Variants in GPR107 observed in about 807,000 individuals in gnomAD.
The protein encoded by GPR107 is G protein-coupled receptor 107.
GPR107 carries 31 observed loss-of-function variants against 75.5 expected under a neutral mutation model. The observed-to-expected ratio is 0.41, with a 90% confidence interval of 0.31 to 0.55. The LOEUF is 0.55. Ranked by LOEUF, GPR107 falls within the 20% of genes least tolerant of loss-of-function variation. The probability of loss-of-function intolerance (pLI) is 0.26; values close to 1 mark genes in which losing one functional copy is unlikely to be tolerated. For synonymous variants in GPR107, 267 were observed against 251.3 expected (o/e 1.06, Z -0.59); for missense variants, 572 against 665.7 (o/e 0.86, Z 1.55).
In GPR107 at chr9:130,127,495, A is replaced by G. The variant is rs1449016882; in HGVS notation, c.1369A>G (p.Ile457Val). The change falls in exon 16 of 18, where the codon ATA (isoleucine) becomes GTA (valine). Residue 457 changes from isoleucine to valine, a missense_variant. Physicochemically the swap from Ile to Val is conservative, Grantham distance 29. Coordinates refer to ENST00000347136, the MANE Select transcript of GPR107 (RefSeq NM_020960.5). Reference protein sequence around the residue: ...RHYYVLIVCYIYFTRIIAFLL... With the variant: ...RHYYVLIVCYVYFTRIIAFLL... ...CCTCCTCATGCAGATTGTGTGTTAC[A>G]TATACTTCACTAGGATCATTGCATT... is the stretch of plus-strand genomic sequence containing the variant. The G allele has an allele frequency of 1.9e-6, 3 of 1,579,132 alleles. No homozygotes were observed. The highest frequency in any genetic ancestry group is 2.6e-6 in the Non-Finnish European group (3 of 1,148,256).
At chr9:130,095,593 C>T (rs1377290850) in intron 9 of GPR107, among the ~76,000 whole-genome samples, 1 of 152,090 alleles carries the variant, frequency 6.6e-6, no homozygotes, top group Non-Finnish European at 1.5e-5. Context: ...CGGGGTTTCA[C>T]CATGTTGGCT....
chr9:130,137,843 A>G lies in GPR107; in HGVS notation c.*2722A>G, dbSNP rs916039680. 7 of 152,268 alleles carry G rather than the reference A, an allele frequency of 4.6e-5. No individual in the cohort carries two copies. Among genetic ancestry groups the G allele is most frequent in the Admixed American group, 3.3e-4 (5 of 15,290 alleles). 9.4% of individuals were successfully genotyped at this position (152,268 alleles called of 1,614,324 possible). A position where few individuals can be genotyped will look rare whatever the true frequency, so the allele number is the denominator to read the frequency against. On this transcript the variant is annotated 3_prime_UTR_variant, in exon 18 of 18. Coordinates refer to ENST00000347136, the MANE Select transcript of GPR107 (RefSeq NM_020960.5). ...CCCTTGCAGTATTTCAGATCGGGCA[A>G]AAAATATCGGATGCACATAGCAGAA...
chr9:130,126,040 G>A (rs1031765311), intron 15 of GPR107, among the ~76,000 whole-genome samples: 5 of 145,146 alleles, frequency 3.4e-5, no homozygotes, highest in Admixed American at 7.0e-5. Context: ...CTGGGCGACA[G>A]AGCGAGACTC....
At chr9:130,102,627 A>G (rs926846856) in intron 12 of GPR107, among the ~76,000 whole-genome samples, 1 of 152,192 alleles carries the variant, frequency 6.6e-6, no homozygotes, top group African/African-American at 2.4e-5. Flanking sequence ...AGTGACAGAA[A>G]GTTTCTAAGT....
At chr9:130,116,345 C>T (rs1028018065) in intron 14 of GPR107, among the ~76,000 whole-genome samples, 1 of 152,172 alleles carries the variant, frequency 6.6e-6, no homozygotes, top group African/African-American at 2.4e-5. Flanking sequence ...TGTTGAGAAC[C>T]AACTCTTCTC....
chr9:130,105,761 G>C (rs964095660), intron 13 of GPR107, among the ~76,000 whole-genome samples: 1 of 151,884 alleles, frequency 6.6e-6, no homozygotes, highest in South Asian at 2.1e-4. Flanking sequence ...CAGCATAGAA[G>C]AGAGTATGAA....
At chr9:130,079,444 G>C (rs1049108816) in intron 4 of GPR107, among the ~76,000 whole-genome samples, 186 bp from the exon 5 acceptor site, 2 of 152,236 alleles carry the variant, frequency 1.3e-5, no homozygotes, top group African/African-American at 4.8e-5. Flanking sequence ...CTAGCTTGGT[G>C]CCCTTGGGCA....
chr9:130,067,741 C>G (rs1202054752), intron 1 of GPR107, among the ~76,000 whole-genome samples: 1 of 104,730 alleles, frequency 9.5e-6, no homozygotes, highest in Non-Finnish European at 1.7e-5. Flanking sequence ...GTAGTCCCCC[C>G]CCACCGCCCC....
At chr9:130,093,101 A>G (rs989320021) in intron 9 of GPR107, among the ~76,000 whole-genome samples, 2 of 152,194 alleles carry the variant, frequency 1.3e-5, no homozygotes, top group Non-Finnish European at 2.9e-5. Flanking sequence ...ACTGCTTAGA[A>G]CTGAAGGTCT....
chr9:130,121,162 C>G (rs1831536520), intron 14 of GPR107, among the ~76,000 whole-genome samples: 1 of 150,834 alleles, frequency 6.6e-6, no homozygotes, highest in South Asian at 2.1e-4. Flanking sequence ...GCCTGGGAGA[C>G]AGCGAGTGAG....
At chr9:130,117,476 C>G (rs865868722) in intron 14 of GPR107, among the ~76,000 whole-genome samples, 32 of 152,094 alleles carry the variant, frequency 2.1e-4, no homozygotes, top group Non-Finnish European at 7.4e-5. Context: ...CAGGTCAGCC[C>G]GTGGCCTGCG....
At chr9:130,092,092 A>C (rs1417653352) in intron 8 of GPR107, among the ~76,000 whole-genome samples, 156 bp from the exon 9 acceptor site, 6 of 152,034 alleles carry the variant, frequency 3.9e-5, no homozygotes, top group Non-Finnish European at 7.4e-5. Context: ...CACCCGCCTC[A>C]GCCTCCCAAA....
rs1322546127 is a variant in GPR107 at position 130,103,786 on chromosome 9, A to T, written c.1132-634A>T. 6.6e-6 allele frequency among the ~76,000 whole-genome samples: 1 copy of T among 152,222 alleles called. No individual in the cohort carries two copies. The highest frequency in any genetic ancestry group is 1.5e-5 in the Non-Finnish European group (1 of 68,032). On this transcript the variant is annotated intron_variant, in intron 12 of 17. Coordinates refer to ENST00000347136, the MANE Select transcript of GPR107 (RefSeq NM_020960.5). This position sits in a 1 kb window ranked among gnomAD's most constrained non-coding sequence, Gnocchi z 4.3. Reference sequence around the variant, plus strand: ...ACTCCACTGGGTTTGGGGTACCTGAAAAGCAAAGTGTCCCTGTTATCTACT... The same window carrying T: ...ACTCCACTGGGTTTGGGGTACCTGATAAGCAAAGTGTCCCTGTTATCTACT...
chr9:130,080,555 A>C (rs949486254), intron 5 of GPR107, among the ~76,000 whole-genome samples: 4 of 151,834 alleles, frequency 2.6e-5, no homozygotes, highest in Admixed American at 2.6e-4. Flanking sequence ...ACAGTGGCGC[A>C]ATCTCGGCTC....
intron 1 of GPR107, among the ~76,000 whole-genome samples, chr9:130,069,563 T>G (rs957745067): frequency 6.6e-6 from 1 of 152,214 alleles, no homozygotes; most frequent in Non-Finnish European, 1.5e-5. Flanking sequence ...TAGTGAGGTA[T>G]AGTTTACGAA....
rs781082550 is a variant in GPR107 at position 130,128,772 on chromosome 9, T to C, written c.1562+11T>C. 1.1e-5 allele frequency: 18 copies of C among 1,613,098 alleles called. No individual in the cohort carries two copies. In the African/African-American group the frequency reaches 1.7e-4, roughly 16 times the overall value. On this transcript the variant is annotated intron_variant, in intron 17 of 17. Coordinates refer to ENST00000347136, the MANE Select transcript of GPR107 (RefSeq NM_020960.5). ...GGAAATGGAGTCCGTGTAAGAAATC[T>C]TTCTTCCCTCTTCCTTAGCCCTGAC...
intron 6 of GPR107, among the ~76,000 whole-genome samples, chr9:130,085,286 A>G (rs1372416113): frequency 6.6e-6 from 1 of 152,156 alleles, no homozygotes; most frequent in Non-Finnish European, 1.5e-5. Flanking sequence ...AACGACTGGG[A>G]AGCCAGTTAG....
intron 15 of GPR107, among the ~76,000 whole-genome samples, chr9:130,127,110 A>G (rs991905890): frequency 3.9e-5 from 6 of 152,230 alleles, no homozygotes; most frequent in Non-Finnish European, 7.3e-5. Context: ...TTATTTTGCT[A>G]TTACTACTGG....
At chr9:130,061,177 G>A (rs115229022) in intron 1 of GPR107, among the ~76,000 whole-genome samples, 1 of 152,224 alleles carries the variant, frequency 6.6e-6, no homozygotes, top group African/African-American at 2.4e-5. Context: ...GCAGTGAGCG[G>A]GACTAAGCCC....
Sources: gnomAD v4.1 joint callset for allele counts (sites outside exome capture counted in the v4.1 genomes callset) on GRCh38, gnomAD v4.1.1 for gene constraint, Gnocchi (gnomAD v3.1) non-coding constraint, MANE v1.5 for transcripts, NCBI Gene and HGNC (gene_info 2026-07-23, HGNC 2026-07-21) for gene names.